MYT1L: variants seen among roughly 807,000 people sequenced by gnomAD.
MYT1L encodes the protein myelin transcription factor 1 like.
Under a neutral mutation model 126.7 loss-of-function variants are expected in MYT1L, and 12 were observed. The ratio of observed to expected loss-of-function variants is 0.09; its 90% confidence interval spans 0.06 to 0.15. The LOEUF is 0.15. MYT1L is among the 10% of genes least tolerant of loss of function. The probability of loss-of-function intolerance (pLI) is 1.00; values close to 1 mark genes in which losing one functional copy is unlikely to be tolerated. For synonymous variants in MYT1L, 541 were observed against 604.2 expected, an observed-to-expected ratio of 0.90 and a Z score of 1.53; for missense variants, 979 against 1,585.2, an observed-to-expected ratio of 0.62 and a Z score of 6.49.
intron 1 of MYT1L, among the ~76,000 whole-genome samples, chr2:2,297,502 T>C (rs2095713221): frequency 6.6e-6 from 1 of 152,132 alleles, no homozygotes; most frequent in Admixed American, 6.5e-5. Context: ...AAATACATGC[T>C]TTTCTGCAGA....
chr2:1,815,259 C>A (rs1034653025), intron 21 of MYT1L, among the ~76,000 whole-genome samples: 46 of 152,310 alleles, frequency 3.0e-4, no homozygotes, highest in African/African-American at 1.1e-3. Flanking sequence ...CTTGGTGACG[C>A]AGCTCCCAGA....
chr2:1,888,022 C>G (rs1271551481), intron 16 of MYT1L, among the ~76,000 whole-genome samples: 1 of 152,196 alleles, frequency 6.6e-6, no homozygotes, highest in South Asian at 2.1e-4. Context: ...GAGCTTTCCC[C>G]CACCATTGGT....
At chr2:1,885,864 T>G (rs2048110554) in intron 18 of MYT1L, among the ~76,000 whole-genome samples, 1 of 152,198 alleles carries the variant, frequency 6.6e-6, no homozygotes, top group African/African-American at 2.4e-5. Context: ...CTTCCAAACC[T>G]GTCTGGACCT....
chr2:2,271,974 A>C (rs923074050), intron 2 of MYT1L, among the ~76,000 whole-genome samples: 4 of 152,188 alleles, frequency 2.6e-5, no homozygotes, highest in Non-Finnish European at 5.9e-5. Flanking sequence ...TTCATGATTC[A>C]TTCTGCCTGT....
At chr2:1,978,034 G>A (rs945331844) in intron 8 of MYT1L, among the ~76,000 whole-genome samples, 6 of 152,128 alleles carry the variant, frequency 3.9e-5, no homozygotes, top group Non-Finnish European at 8.8e-5. Flanking sequence ...TGTAACAGAG[G>A]AAGTCAGACA....
intron 2 of MYT1L, among the ~76,000 whole-genome samples, chr2:2,209,809 C>T (rs1464642347): frequency 1.3e-5 from 2 of 152,082 alleles, no homozygotes; most frequent in Non-Finnish European, 2.9e-5. Flanking sequence ...TGGGTATATA[C>T]TCAGCTGTGA....
chr2:2,067,672 T>C (rs1422804967), intron 3 of MYT1L, among the ~76,000 whole-genome samples: 4 of 152,106 alleles, frequency 2.6e-5, no homozygotes, highest in African/African-American at 9.7e-5. Flanking sequence ...CCCCATAGCA[T>C]TGACTATAAA....
At chr2:1,956,042 T>C (rs1238434121) in intron 8 of MYT1L, among the ~76,000 whole-genome samples, 1 of 145,424 alleles carries the variant, frequency 6.9e-6, no homozygotes, top group Non-Finnish European at 1.5e-5. Flanking sequence ...TAGTTCTATG[T>C]ATCTATGTAT....
Position 1,905,358 on chromosome 2 carries a change from AT to A in MYT1L, c.1818-2065del, listed in dbSNP as rs879390860. On this transcript the variant is annotated intron_variant, in intron 13 of 24. Coordinates refer to ENST00000647738, the MANE Select transcript of MYT1L (RefSeq NM_001303052.2). ...CATAGTCAGCTTAGGAAGGACAGTA[AT>A]TTTTTTTTTTTTTAAGACGGAATTT... Among the ~76,000 whole-genome samples the A allele has an allele frequency of 3.5e-3, 505 of 144,974 alleles. 3 individuals are homozygous for A. Among genetic ancestry groups the A allele is most frequent in the African/African-American group, 7.4e-3 (296 of 39,820 alleles).
chr2:2,120,498 A>T (rs1475282808), intron 3 of MYT1L, among the ~76,000 whole-genome samples: 1 of 151,958 alleles, frequency 6.6e-6, no homozygotes, highest in Non-Finnish European at 1.5e-5. Flanking sequence ...TTTAAAAATC[A>T]TTGTAAAGTC....
chr2:1,822,757 G>A (rs1004023498), intron 21 of MYT1L, among the ~76,000 whole-genome samples: 1 of 118,226 alleles, frequency 8.5e-6, no homozygotes, highest in African/African-American at 3.7e-5. Context: ...GGCTGCTGCT[G>A]TGTCCACGGT....
At chr2:2,076,543 G>A (rs975012136) in intron 3 of MYT1L, among the ~76,000 whole-genome samples, 2 of 151,880 alleles carry the variant, frequency 1.3e-5, no homozygotes, top group Non-Finnish European at 2.9e-5. Flanking sequence ...CCAAGAACTC[G>A]AAAGAAAAAG....
At chr2:2,149,115 T>TCTTC (rs2148280520) in intron 3 of MYT1L, among the ~76,000 whole-genome samples, 1 of 152,304 alleles carries the variant, frequency 6.6e-6, no homozygotes, top group South Asian at 2.1e-4. Flanking sequence ...TTCCTTATTT[T>TCTTC]CTTCCTTCCT....
Position 2,293,367 on chromosome 2 carries a change from G to A in MYT1L, c.-520-8864C>T, listed in dbSNP as rs115199164. On this transcript the variant is annotated intron_variant, in intron 1 of 24. Coordinates refer to ENST00000647738, the MANE Select transcript of MYT1L (RefSeq NM_001303052.2). ...TCAGAGCTCCGTCCCCAGTGCCCAG[G>A]TACTACAGATAGAGAGAGGACCTCA... is the stretch of plus-strand genomic sequence containing the variant. Among the ~76,000 whole-genome samples the A allele has an allele frequency of 4.1e-3, 627 of 152,290 alleles. 3 individuals carry two copies. Among genetic ancestry groups the A allele is most frequent in the African/African-American group, 0.015 (604 of 41,536 alleles).
At chr2:2,184,021 GA>G (rs2091850040) in intron 2 of MYT1L, among the ~76,000 whole-genome samples, 1 of 148,634 alleles carries the variant, frequency 6.7e-6, no homozygotes, top group Admixed American at 6.8e-5. Context: ...AAGAGAGAAA[GA>G]AAGACAGAAA....
At chr2:2,147,250 T>C (rs2148254906) in intron 3 of MYT1L, among the ~76,000 whole-genome samples, 1 of 152,332 alleles carries the variant, frequency 6.6e-6, no homozygotes, top group Middle Eastern at 3.4e-3. Context: ...TCAGCCTGGA[T>C]GCTTGCAAGT....
intron 1 of MYT1L, among the ~76,000 whole-genome samples, chr2:2,327,995 T>C (rs2096261898): frequency 6.6e-6 from 1 of 152,224 alleles, no homozygotes; most frequent in South Asian, 2.1e-4. Context: ...GTTGGAAATC[T>C]AGTTTATGCA....
chr2:1,934,402 G>T (rs184327281), intron 9 of MYT1L, among the ~76,000 whole-genome samples: 12 of 151,526 alleles, frequency 7.9e-5, no homozygotes, highest in African/African-American at 2.9e-4. Context: ...GTGGGACAGC[G>T]CTTTCATGTT....
chr2:2,069,878 A>G (rs1275621809), intron 3 of MYT1L, among the ~76,000 whole-genome samples: 1 of 149,488 alleles, frequency 6.7e-6, no homozygotes, highest in African/African-American at 2.5e-5. Flanking sequence ...TTCTTTTGAA[A>G]AGCGTCTGTT....
Sources: allele counts gnomAD v4.1 joint callset (sites outside exome capture counted in the v4.1 genomes callset), GRCh38; gene constraint gnomAD v4.1.1; transcripts MANE v1.5; gene names NCBI Gene and HGNC (gene_info 2026-07-23, HGNC 2026-07-21).